Variants in CHRM3 observed in about 807,000 individuals in gnomAD.
CHRM3 encodes muscarinic acetylcholine receptor M3.
In CHRM3, 11 loss-of-function variants were observed where a neutral mutation model predicts 41.8. The ratio of observed to expected loss-of-function variants is 0.26; its 90% CI spans 0.17 to 0.44. The LOEUF is 0.44. Among genes scored for constraint, CHRM3 ranks in the 20% least tolerant of loss-of-function variants. The pLI, the probability that CHRM3 is intolerant of heterozygous loss-of-function variation, is 1.00. For missense variants in CHRM3, 571 were observed against 745.4 expected (o/e 0.77, Z 2.72); for synonymous variants, 297 against 301.4 (o/e 0.99, Z 0.15).
At chr1:239,469,249 C>A (rs1180865871) in intron 1 of CHRM3, among the ~76,000 whole-genome samples, 1 of 152,150 alleles carries the variant, frequency 6.6e-6, no homozygotes, top group Non-Finnish European at 1.5e-5. Flanking sequence ...CTGTCTCCAC[C>A]CAGAATTGAT....
rs561968421 is a variant in CHRM3, at chr1:239,475,966, T to C, written c.-520-16743T>C. Reference sequence around the variant, plus strand: ...TCATTTGGTCTCCCCCAATCATGAATAGTCTTCCTTTAAAAATGACCTTCT... The same window carrying C: ...TCATTTGGTCTCCCCCAATCATGAACAGTCTTCCTTTAAAAATGACCTTCT... On this transcript the variant is annotated intron_variant, in intron 1 of 6. Coordinates refer to ENST00000676153, the MANE Select transcript of CHRM3 (RefSeq NM_001375978.1). Among the ~76,000 whole-genome samples the C allele has an allele frequency of 2.5e-3, 375 of 152,310 alleles. 1 individual carries two copies. The highest frequency in any genetic ancestry group is 8.7e-3 in the African/African-American group (363 of 41,572).
At chr1:239,402,041 A>C (rs1660023090) in intron 1 of CHRM3, among the ~76,000 whole-genome samples, 1 of 152,082 alleles carries the variant, frequency 6.6e-6, no homozygotes, top group African/African-American at 2.4e-5. Flanking sequence ...TATTAGTAGA[A>C]ACAGATCTCA....
intron 6 of CHRM3, among the ~76,000 whole-genome samples, chr1:239,866,595 C>A (rs1296339762): frequency 2.0e-5 from 3 of 152,066 alleles, no homozygotes; most frequent in Non-Finnish European, 4.4e-5. Flanking sequence ...TACAACAGCG[C>A]ATGAAGGCAG....
chr1:239,434,206 A>C (rs1663053511), intron 1 of CHRM3, among the ~76,000 whole-genome samples: 1 of 151,966 alleles, frequency 6.6e-6, no homozygotes. Context: ...CCTCAGTTAC[A>C]CTTTTGCCCT....
chr1:239,908,817 C>T lies in CHRM3; in HGVS notation c.1366C>T (p.Leu456=), dbSNP rs913538974. Reference sequence around the variant, plus strand: ...GGGTAAGAGCACGGCCACTCTACCTCTGTCCTTCAAGGAAGCCACTCTGGC... The same window carrying T: ...GGGTAAGAGCACGGCCACTCTACCTTTGTCCTTCAAGGAAGCCACTCTGGC... ...SVGKSTATLP[L]SFKEATLAKR... is the part of the protein sequence containing the mutation. The change falls in exon 7 of 7, where the codon CTG becomes TTG. Residue 456 remains leucine (L), a synonymous_variant. Transcript: ENST00000676153. The surrounding 1 kb of genome is among the most constrained non-coding windows in gnomAD (Gnocchi z 7.2). 3.7e-6 allele frequency: 6 copies of T among 1,614,044 alleles called. No individual in the cohort carries two copies. In the African/African-American group the frequency reaches 8.0e-5, roughly 22 times the overall value.
At chr1:239,753,295 A>T (rs994089775) in intron 5 of CHRM3, among the ~76,000 whole-genome samples, 2 of 152,126 alleles carry the variant, frequency 1.3e-5, no homozygotes, top group African/African-American at 2.4e-5. Context: ...ATAATGTATA[A>T]GTCCATTCTC....
At chr1:239,867,590 G>A (rs2149303892) in intron 6 of CHRM3, among the ~76,000 whole-genome samples, 1 of 151,968 alleles carries the variant, frequency 6.6e-6, no homozygotes, top group South Asian at 2.1e-4. Flanking sequence ...GGAGGCTGAG[G>A]CAGGATAATT....
intron 4 of CHRM3, among the ~76,000 whole-genome samples, chr1:239,641,556 A>C (rs1309668369): frequency 6.9e-6 from 1 of 145,408 alleles, no homozygotes; most frequent in Non-Finnish European, 1.5e-5. Flanking sequence ...TGTTGGTTTA[A>C]AGTCTGTTTT....
At chr1:239,683,273 A>G (rs1305658705) in intron 5 of CHRM3, among the ~76,000 whole-genome samples, 3 of 152,184 alleles carry the variant, frequency 2.0e-5, no homozygotes, top group Non-Finnish European at 4.4e-5. Flanking sequence ...ACACAAGCAG[A>G]TGAAATTATA....
At chr1:239,817,137 T>C (rs1481795353) in intron 5 of CHRM3, among the ~76,000 whole-genome samples, 2 of 151,940 alleles carry the variant, frequency 1.3e-5, no homozygotes, top group Non-Finnish European at 2.9e-5. Flanking sequence ...CTCCTAAGGG[T>C]TTACTATGCC....
chr1:239,458,723 T>C (rs1352347961), intron 1 of CHRM3, among the ~76,000 whole-genome samples: 1 of 152,198 alleles, frequency 6.6e-6, no homozygotes, highest in Admixed American at 6.5e-5. Flanking sequence ...ATTTGAAAGA[T>C]ACTTCTTTTT....
intron 4 of CHRM3, among the ~76,000 whole-genome samples, 183 bp from the exon 5 acceptor site, chr1:239,678,003 T>C (rs1162110633): frequency 6.6e-6 from 1 of 152,250 alleles, no homozygotes; most frequent in Non-Finnish European, 1.5e-5. Context: ...AGCGGGATAC[T>C]AACAGGTGTC....
At chr1:239,820,596 G>A (rs1347960297) in intron 5 of CHRM3, among the ~76,000 whole-genome samples, 1 of 152,116 alleles carries the variant, frequency 6.6e-6, no homozygotes, top group East Asian at 1.9e-4. Context: ...GGGGAGAAAG[G>A]TGATTAGAGA....
chr1:239,813,916 CA>C (rs67147618), intron 5 of CHRM3, among the ~76,000 whole-genome samples: 50,544 of 103,096 alleles, frequency 0.49, 11,498 homozygotes, highest in Admixed American at 0.57. Context: ...GACTCCGTCT[CA>C]AAAAAAAAAA....
rs1293208888 is a variant in CHRM3, at chr1:239,915,404, C to A, written c.*6180C>A. 2 of 166,984 alleles carry A rather than the reference C, an allele frequency of 1.2e-5. No homozygotes were observed. The highest frequency in any genetic ancestry group is 2.9e-5 in the Non-Finnish European group (2 of 68,090). 10.3% of individuals were successfully genotyped at this position (166,984 alleles called of 1,614,324 possible). A position where few individuals can be genotyped will look rare whatever the true frequency, so the allele number is the denominator to read the frequency against. On this transcript the variant is annotated 3_prime_UTR_variant, in exon 7 of 7. Coordinates refer to ENST00000676153, the MANE Select transcript of CHRM3 (RefSeq NM_001375978.1). Reference sequence around the variant, plus strand: ...CCTGCAACTTTGTGGTGAATATTATCCCCAAGTTAACAGTGAAATAAGTAA... The same window carrying A: ...CCTGCAACTTTGTGGTGAATATTATACCCAAGTTAACAGTGAAATAAGTAA...
intron 6 of CHRM3, among the ~76,000 whole-genome samples, chr1:239,888,069 A>G (rs771393763): frequency 6.6e-6 from 1 of 152,180 alleles, no homozygotes; most frequent in Non-Finnish European, 1.5e-5. Context: ...TCTGGAGATA[A>G]ATGCATTCTG....
chr1:239,663,017 C>T (rs948017031), intron 4 of CHRM3, among the ~76,000 whole-genome samples: 3 of 151,274 alleles, frequency 2.0e-5, no homozygotes, highest in African/African-American at 7.3e-5. Context: ...TTCTCTTCCT[C>T]TTCTTCTTTT....
chr1:239,702,919 A>G (rs1443492588), intron 5 of CHRM3, among the ~76,000 whole-genome samples: 2 of 152,256 alleles, frequency 1.3e-5, no homozygotes, highest in African/African-American at 2.4e-5. Flanking sequence ...TCTATAATCT[A>G]TAATAGATAC....
intron 4 of CHRM3, among the ~76,000 whole-genome samples, chr1:239,647,581 C>G (rs12063338): frequency 6.6e-6 from 1 of 151,900 alleles, no homozygotes; most frequent in South Asian, 2.1e-4. Context: ...TTTTACTTAA[C>G]TTGACCTTCA....
Sources: gnomAD v4.1 joint callset for allele counts (sites outside exome capture counted in the v4.1 genomes callset) on GRCh38, gnomAD v4.1.1 for gene constraint, Gnocchi (gnomAD v3.1) non-coding constraint, MANE v1.5 for transcripts, NCBI Gene and HGNC (gene_info 2026-07-23, HGNC 2026-07-21) for gene names.